Variants in GRM5 observed in about 807,000 individuals in gnomAD.
GRM5 encodes metabotropic glutamate receptor 5.
GRM5 carries 19 observed loss-of-function variants against 83.1 expected under a neutral mutation model. That is an observed-to-expected ratio of 0.23 (90% confidence interval 0.16 to 0.34). The LOEUF (loss-of-function observed/expected upper bound fraction) is 0.34, where lower values mean the gene tolerates loss of function less well. Among genes scored for constraint, GRM5 ranks in the 10% least tolerant of loss-of-function variants. GRM5 has a pLI of 1.00. For missense variants in GRM5, 1,160 were observed against 1,588.3 expected (o/e 0.73, Z 4.58); for synonymous variants, 675 against 633.6 (o/e 1.07, Z -0.98).
chr11:88,625,718 C>T (rs1938775417), intron 4 of GRM5, among the ~76,000 whole-genome samples: 1 of 152,204 alleles, frequency 6.6e-6, no homozygotes, highest in African/African-American at 2.4e-5. Flanking sequence ...CCCCAAACCA[C>T]AACATCATGT....
At chr11:88,761,692 G>GA (rs371913145) in intron 3 of GRM5, among the ~76,000 whole-genome samples, 1,665 of 152,066 alleles carry the variant, frequency 0.011, 34 homozygotes, top group African/African-American at 0.038. Flanking sequence ...CACAGAACTA[G>GA]AAAAAACTAT....
At chr11:88,556,087 G>A (rs965674809) in intron 8 of GRM5, among the ~76,000 whole-genome samples, 2 of 152,130 alleles carry the variant, frequency 1.3e-5, no homozygotes, top group Non-Finnish European at 2.9e-5. Context: ...AGGATGTAAT[G>A]AAAATTTGGA....
At chr11:88,617,105 A>G (rs1938505703) in intron 4 of GRM5, among the ~76,000 whole-genome samples, 1 of 152,208 alleles carries the variant, frequency 6.6e-6, no homozygotes, top group East Asian at 1.9e-4. Flanking sequence ...CCTTTGTAGA[A>G]CAGCACTTGT....
At chr11:88,712,601 A>T (rs970452059) in intron 3 of GRM5, among the ~76,000 whole-genome samples, 1 of 152,056 alleles carries the variant, frequency 6.6e-6, no homozygotes, top group African/African-American at 2.4e-5. Context: ...GAGGCAACTC[A>T]GTCATCTTAG....
intron 3 of GRM5, among the ~76,000 whole-genome samples, chr11:88,713,191 T>G (rs7479915): frequency 0.98 from 148,452 of 152,098 alleles, 72,564 homozygotes; most frequent in East Asian, 1. Context: ...TATTAATCAC[T>G]TATTAAAAGT....
intron 5 of GRM5, among the ~76,000 whole-genome samples, chr11:88,598,692 A>G (rs1465391186): frequency 6.6e-6 from 1 of 152,178 alleles, no homozygotes; most frequent in African/African-American, 2.4e-5. Context: ...GTCATTGGCT[A>G]CTTCAAATAT....
intron 2 of GRM5, among the ~76,000 whole-genome samples, chr11:88,894,412 C>T (rs758886722): frequency 3.3e-5 from 5 of 151,944 alleles, no homozygotes; most frequent in South Asian, 4.2e-4. Flanking sequence ...TGTGTTTGTC[C>T]GTGTCCTAAA....
intron 1 of GRM5, 40 bp downstream of exon 1, chr11:89,065,736 G>T (rs1738139288): frequency 6.6e-6 from 1 of 152,232 alleles, no homozygotes; most frequent in African/African-American, 2.4e-5. Flanking sequence ...TATATCCGTG[G>T]TAACTATAGC....
intron 9 of GRM5, among the ~76,000 whole-genome samples, chr11:88,513,541 C>A (rs1941439766): frequency 6.6e-6 from 1 of 152,050 alleles, no homozygotes; most frequent in Non-Finnish European, 1.5e-5. Context: ...AAATACAAAG[C>A]TTGATATCTG....
rs1265411901 is a variant in GRM5 at position 88,773,270 on chromosome 11, T to G, written c.911+76636A>C. Among the ~76,000 whole-genome samples the G allele has an allele frequency of 2.0e-5, 3 of 152,230 alleles. No homozygotes were observed. The East Asian group carries it at 5.8e-4, about 29-fold the overall frequency. ...CTTCTTTTGAGAAGTGTCTGTCTGT[T>G]CATATCCTTTGTCCACTTTTTGATG... On this transcript the variant is annotated intron_variant, in intron 3 of 9. Coordinates refer to ENST00000305447, the MANE Select transcript of GRM5 (RefSeq NM_001143831.3).
chr11:89,041,230 A>T (rs961203481), intron 2 of GRM5, among the ~76,000 whole-genome samples: 3 of 152,240 alleles, frequency 2.0e-5, no homozygotes, highest in African/African-American at 7.2e-5. Flanking sequence ...GATTATTTAG[A>T]ACTGTGGAAG....
intron 2 of GRM5, among the ~76,000 whole-genome samples, chr11:88,933,089 C>T (rs1937766344): frequency 6.7e-6 from 1 of 149,938 alleles, no homozygotes; most frequent in South Asian, 2.1e-4. Context: ...AAGTAATTTA[C>T]ATTTAAACTT....
At chr11:88,558,118 A>T (rs1942669029) in intron 8 of GRM5, among the ~76,000 whole-genome samples, 2 of 152,082 alleles carry the variant, frequency 1.3e-5, no homozygotes, top group Admixed American at 1.3e-4. Flanking sequence ...TCAGCAATGT[A>T]CCCAGTATAT....
intron 2 of GRM5, among the ~76,000 whole-genome samples, chr11:88,854,793 T>A (rs183708061): frequency 1.5e-3 from 227 of 151,922 alleles, no homozygotes; most frequent in African/African-American, 4.8e-3. Context: ...AAAATTAAAT[T>A]AAATTAAATT....
intron 2 of GRM5, among the ~76,000 whole-genome samples, chr11:88,991,026 G>A (rs1047652286): frequency 2.6e-5 from 4 of 152,144 alleles, no homozygotes; most frequent in African/African-American, 9.7e-5. Context: ...AATTAGGCAG[G>A]AGAAGGAAAT....
At position 88,922,885 on chromosome 11, in the gene GRM5, A is replaced by T. The variant is rs550550259; in HGVS notation, c.662-72730T>A. The stretch of plus-strand genomic sequence containing the variant: ...AAGCTCAAGCAACTCAATGGTAAAA[A>T]ATCTGATAATCCAGTTTAAAATGGG... On this transcript the variant is annotated intron_variant, in intron 2 of 9. Coordinates refer to ENST00000305447, the MANE Select transcript of GRM5 (RefSeq NM_001143831.3). 6.8e-4 allele frequency among the ~76,000 whole-genome samples: 104 copies of T among 152,304 alleles called. 1 individual carries two copies. Among genetic ancestry groups the T allele is most frequent in the African/African-American group, 2.4e-3 (98 of 41,578 alleles).
intron 3 of GRM5, among the ~76,000 whole-genome samples, chr11:88,813,590 A>G (rs118024588): frequency 0.016 from 2,476 of 152,296 alleles, 43 homozygotes; most frequent in East Asian, 0.067. Context: ...AGTTTTCTAA[A>G]CATATCTCAA....
In GRM5 at chr11:88,997,097, G is replaced by T. The variant is rs147122773; in HGVS notation, c.661+50115C>A. ...CCCAGCAGTTTGGGAGGCTGAGGCA[G>T]GTAGATCACCTGAGGTCAGGAGTTC... On this transcript the variant is annotated intron_variant, in intron 2 of 9. Transcript: ENST00000305447. 8.5e-3 allele frequency among the ~76,000 whole-genome samples: 1,300 copies of T among 152,224 alleles called. 21 individuals carry two copies. The highest frequency in any genetic ancestry group is 0.03 in the African/African-American group (1,235 of 41,542).
intron 3 of GRM5, among the ~76,000 whole-genome samples, chr11:88,681,909 GAAAGTGGA>G (rs2135346722): frequency 6.6e-6 from 1 of 151,850 alleles, no homozygotes; most frequent in South Asian, 2.1e-4. Context: ...TTCTTTTTGT[GAAAGTGGA>G]AAACCATTTT....
Sources: allele counts gnomAD v4.1 joint callset (sites outside exome capture counted in the v4.1 genomes callset), GRCh38; gene constraint gnomAD v4.1.1; transcripts MANE v1.5; gene names NCBI Gene and HGNC (gene_info 2026-07-23, HGNC 2026-07-21).